Variants in GNG7 observed in about 807,000 individuals in gnomAD.
The protein encoded by GNG7 is guanine nucleotide-binding protein G(I)/G(S)/G(O) subunit gamma-7.
GNG7 carries 1 observed loss-of-function variant against 4.0 expected under a neutral mutation model. The ratio of observed to expected loss-of-function variants is 0.25; its 90% CI spans 0.09 to 1.18. The LOEUF (loss-of-function observed/expected upper bound fraction) is 1.18. GNG7 is among the 50% of genes most tolerant of loss of function. The probability of loss-of-function intolerance (pLI) is 0.50; values close to 1 mark genes in which losing one functional copy is unlikely to be tolerated. For missense variants in GNG7, 86 were observed against 91.9 expected (o/e 0.94, Z 0.26); for synonymous variants, 34 against 36.9 (o/e 0.92, Z 0.29).
chr19:2,553,306 G>A (rs761825694), intron 3 of GNG7, among the ~76,000 whole-genome samples: 6 of 150,486 alleles, frequency 4.0e-5, no homozygotes, highest in Non-Finnish European at 7.4e-5. Flanking sequence ...CTAGAAAAAC[G>A]CGAATGAAAC....
At chr19:2,531,371 T>C (rs1246284393) in intron 3 of GNG7, among the ~76,000 whole-genome samples, 2 of 143,426 alleles carry the variant, frequency 1.4e-5, no homozygotes, top group East Asian at 2.3e-4. Flanking sequence ...TTCTAGCAAC[T>C]ACAGCAGAGT....
At chr19:2,651,044 C>T (rs1982798221) in intron 1 of GNG7, among the ~76,000 whole-genome samples, 2 of 152,184 alleles carry the variant, frequency 1.3e-5, no homozygotes, top group South Asian at 4.1e-4. Flanking sequence ...GTCTCAGACA[C>T]AGGCAAGAAA....
At chr19:2,663,494 T>G (rs1487082143) in intron 1 of GNG7, among the ~76,000 whole-genome samples, 1 of 152,060 alleles carries the variant, frequency 6.6e-6, no homozygotes, top group Non-Finnish European at 1.5e-5. Context: ...AAGAAACAAA[T>G]CTCTATTATT....
At chr19:2,635,987 G>A (rs969391358) in intron 2 of GNG7, among the ~76,000 whole-genome samples, 3 of 152,152 alleles carry the variant, frequency 2.0e-5, no homozygotes, top group African/African-American at 7.2e-5. Context: ...GTGGAGGCCC[G>A]GGACGCTGCT....
At chr19:2,697,796 C>T (rs996603483) in intron 1 of GNG7, among the ~76,000 whole-genome samples, 21 of 150,310 alleles carry the variant, frequency 1.4e-4, no homozygotes, top group Non-Finnish European at 2.2e-4. Context: ...TCCCCCCCCC[C>T]GCCCGTCTCT....
chr19:2,681,996 G>A (rs1225247398), intron 1 of GNG7, among the ~76,000 whole-genome samples: 17 of 151,972 alleles, frequency 1.1e-4, no homozygotes, highest in African/African-American at 1.4e-4. Context: ...TGCAACCTCC[G>A]CCTCCCAGGT....
At chr19:2,684,326 G>A (rs574936165) in intron 1 of GNG7, among the ~76,000 whole-genome samples, 10 of 151,646 alleles carry the variant, frequency 6.6e-5, no homozygotes, top group Admixed American at 2.6e-4. Context: ...TAGTAGAGAC[G>A]GGGTTTCACC....
chr19:2,666,364 G>T (rs1983311413), intron 1 of GNG7, among the ~76,000 whole-genome samples: 1 of 152,040 alleles, frequency 6.6e-6, no homozygotes, highest in Non-Finnish European at 1.5e-5. Flanking sequence ...GTAGAGATGG[G>T]GTTTCGCCAT....
At chr19:2,582,763 C>G (rs150106514) in intron 2 of GNG7, among the ~76,000 whole-genome samples, 1 of 149,702 alleles carries the variant, frequency 6.7e-6, no homozygotes, top group African/African-American at 2.5e-5. Flanking sequence ...CCACCTACCA[C>G]GTTCAAGCGA....
At chr19:2,586,498 C>T (rs1980676943) in intron 2 of GNG7, among the ~76,000 whole-genome samples, 3 of 152,148 alleles carry the variant, frequency 2.0e-5, no homozygotes, top group Admixed American at 2.0e-4. Context: ...CTCGGTCCCC[C>T]AAGAGCTCAG....
chr19:2,641,313 C>T (rs1272306281), intron 2 of GNG7, among the ~76,000 whole-genome samples: 2 of 152,184 alleles, frequency 1.3e-5, no homozygotes, highest in Non-Finnish European at 2.9e-5. Context: ...CCCATCCTAA[C>T]CCCAGAAGCC....
chr19:2,616,668 C>T (rs1172001240), intron 2 of GNG7, among the ~76,000 whole-genome samples: 3 of 151,792 alleles, frequency 2.0e-5, no homozygotes, highest in Non-Finnish European at 4.4e-5. Flanking sequence ...CCCAGCTACT[C>T]AGGAGGCTGA....
chr19:2,616,673 G>A (rs1479050287), intron 2 of GNG7, among the ~76,000 whole-genome samples: 4 of 151,952 alleles, frequency 2.6e-5, no homozygotes, highest in African/African-American at 9.7e-5. Flanking sequence ...CTACTCAGGA[G>A]GCTGAGGCAG....
At position 2,661,270 on chromosome 19, in the gene GNG7, AAAAGAAAG is replaced by A. The variant is rs796432059; in HGVS notation, c.-134-14998_-134-14991del. On this transcript the variant is annotated intron_variant, in intron 1 of 4. Coordinates refer to ENST00000382159, the MANE Select transcript of GNG7 (RefSeq NM_052847.3). ...AAAAGAAAGAAAGAAAGAAAGAAAG[AAAAGAAAG>A]AAAGAAAGAAAGAAAGAAAGAAAGA... is the stretch of plus-strand genomic sequence containing the variant. Among the ~76,000 whole-genome samples, 333 of 70,868 alleles carry A rather than the reference AAAAGAAAG, an allele frequency of 4.7e-3. 14 individuals carry two copies. Among genetic ancestry groups the A allele is most frequent in the African/African-American group, 0.015 (238 of 15,398 alleles). The allele number at this position is 70,868 out of a possible 152,430, so 46.5% of individuals were successfully genotyped here.
chr19:2,596,670 C>A (rs1568256968), intron 2 of GNG7, among the ~76,000 whole-genome samples: 1 of 150,686 alleles, frequency 6.6e-6, no homozygotes, highest in Non-Finnish European at 1.5e-5. Context: ...CCCTGTCCCC[C>A]CCCCAAAAAA....
At chr19:2,650,226 C>T (rs1191483109) in intron 1 of GNG7, among the ~76,000 whole-genome samples, 1 of 143,882 alleles carries the variant, frequency 7.0e-6, no homozygotes, top group Non-Finnish European at 1.5e-5. Context: ...TTCTATCCCC[C>T]AGGCTGGAGT....
At chr19:2,520,444 C>T (rs1312022221) in intron 4 of GNG7, among the ~76,000 whole-genome samples, 164 bp downstream of exon 4, 1 of 152,158 alleles carries the variant, frequency 6.6e-6, no homozygotes, top group African/African-American at 2.4e-5. Context: ...CTCTTTCTGC[C>T]GAGGAAATGG....
chr19:2,628,397 G>T (rs1443271075), intron 2 of GNG7, among the ~76,000 whole-genome samples: 1 of 152,070 alleles, frequency 6.6e-6, no homozygotes, highest in Non-Finnish European at 1.5e-5. Context: ...AGCCCCTAGA[G>T]GCTACTCTCA....
chr19:2,540,654 G>A (rs1257101014), intron 3 of GNG7, among the ~76,000 whole-genome samples: 3 of 152,156 alleles, frequency 2.0e-5, no homozygotes, highest in African/African-American at 4.8e-5. Flanking sequence ...GGAGCATCCC[G>A]AGAAGTCCAA....
Sources: allele counts gnomAD v4.1 joint callset (sites outside exome capture counted in the v4.1 genomes callset), GRCh38; gene constraint gnomAD v4.1.1; transcripts MANE v1.5; gene names NCBI Gene and HGNC (gene_info 2026-07-23, HGNC 2026-07-21).